The following CHODL variants were observed in gnomAD, a reference collection of about 807,000 sequenced individuals.
CHODL encodes the protein chondrolectin.
A neutral mutation model predicts 34.5 loss-of-function variants in CHODL; 29 were observed. The ratio of observed to expected loss-of-function variants is 0.84; its 90% CI spans 0.63 to 1.15. CHODL has a LOEUF of 1.15. Among genes scored for constraint, CHODL ranks in the 50% most tolerant of loss-of-function variants. The pLI is 0.00. For synonymous variants in CHODL, 125 were observed against 116.1 expected, an observed-to-expected ratio of 1.08 and a Z score of -0.49; for missense variants, 332 against 332.5, an observed-to-expected ratio of 1.00 and a Z score of 0.01.
At chr21:17,945,667 A>T (rs1301993914) in intron 1 of CHODL, among the ~76,000 whole-genome samples, 1 of 152,208 alleles carries the variant, frequency 6.6e-6, no homozygotes. Flanking sequence ...AAAGAGAGAA[A>T]GGGCCAGAAA....
At chr21:18,077,849 A>G (rs2064885174) in intron 2 of CHODL, among the ~76,000 whole-genome samples, 1 of 152,182 alleles carries the variant, frequency 6.6e-6, no homozygotes, top group African/African-American at 2.4e-5. Context: ...GGACTATTGG[A>G]ATAAGACAAC....
rs554760967 is a variant in CHODL, at chr21:18,237,912, A to G, written c.-44-18597A>G. On this transcript the variant is annotated intron_variant, in intron 2 of 6. Transcript: ENST00000400127. ...AACCTAGTAGAGATGGACAAACATT[A>G]AATAAATACGCCCACAATTTTAACA... 5.9e-5 allele frequency among the ~76,000 whole-genome samples: 9 copies of G among 152,132 alleles called. No individual in the cohort carries two copies. The South Asian group carries it at 1.9e-3, about 31-fold the overall frequency.
intron 2 of CHODL, among the ~76,000 whole-genome samples, chr21:18,110,215 A>G (rs1286679751): frequency 6.6e-6 from 1 of 152,196 alleles, no homozygotes; most frequent in Non-Finnish European, 1.5e-5. Context: ...AATGTATGGC[A>G]TTGGCCTCAT....
At chr21:18,083,663 A>G (rs1319742468) in intron 2 of CHODL, among the ~76,000 whole-genome samples, 1 of 152,128 alleles carries the variant, frequency 6.6e-6, no homozygotes, top group Non-Finnish European at 1.5e-5. Context: ...GTCCAAGGAG[A>G]TTATTCTGGA....
chr21:18,264,119 C>T (rs1243865961), intron 5 of CHODL, among the ~76,000 whole-genome samples: 3 of 152,004 alleles, frequency 2.0e-5, no homozygotes, highest in African/African-American at 7.3e-5. Context: ...GGGTAATGGT[C>T]AGGTGTGTTT....
At chr21:18,206,900 T>C (rs992644170) in intron 2 of CHODL, among the ~76,000 whole-genome samples, 3 of 150,658 alleles carry the variant, frequency 2.0e-5, no homozygotes, top group Non-Finnish European at 4.4e-5. Flanking sequence ...TATTATTTTA[T>C]TATACTTTGA....
intron 2 of CHODL, among the ~76,000 whole-genome samples, chr21:18,146,049 A>G (rs1601067276): frequency 6.6e-6 from 1 of 151,492 alleles, no homozygotes; most frequent in Non-Finnish European, 1.5e-5. Flanking sequence ...GATCATTGCA[A>G]CCTCTGCCTC....
chr21:17,968,732 A>G (rs2063592447), intron 1 of CHODL, among the ~76,000 whole-genome samples: 1 of 152,210 alleles, frequency 6.6e-6, no homozygotes, highest in African/African-American at 2.4e-5. Context: ...GGATCAATGC[A>G]GAGTTCATCT....
intron 2 of CHODL, among the ~76,000 whole-genome samples, chr21:18,147,770 A>T (rs1255016846): frequency 6.6e-6 from 1 of 152,240 alleles, no homozygotes; most frequent in Non-Finnish European, 1.5e-5. Context: ...GTGTGCTAAC[A>T]CAGAACTTAT....
At chr21:18,223,965 AAT>A (rs1184331728) in intron 2 of CHODL, among the ~76,000 whole-genome samples, 1 of 152,184 alleles carries the variant, frequency 6.6e-6, no homozygotes, top group Admixed American at 6.6e-5. Flanking sequence ...AGAGTAAGAG[AAT>A]ACTAGTTGCT....
At chr21:18,141,526 C>A (rs1350519535) in intron 2 of CHODL, among the ~76,000 whole-genome samples, 1 of 151,704 alleles carries the variant, frequency 6.6e-6, no homozygotes, top group East Asian at 1.9e-4. Context: ...ATTGGATTTG[C>A]TTAGGTTTTT....
intron 2 of CHODL, among the ~76,000 whole-genome samples, chr21:18,172,061 A>G (rs1435394675): frequency 6.6e-6 from 1 of 152,228 alleles, no homozygotes; most frequent in African/African-American, 2.4e-5. Flanking sequence ...GCAGGGGCAC[A>G]GCCTTACATA....
At chr21:18,118,375 C>T (rs2065438462) in intron 2 of CHODL, among the ~76,000 whole-genome samples, 1 of 152,070 alleles carries the variant, frequency 6.6e-6, no homozygotes, top group Admixed American at 6.6e-5. Context: ...GCATTCCAAC[C>T]ACTAGTCTCT....
chr21:18,207,751 A>T (rs1177153599), intron 2 of CHODL, among the ~76,000 whole-genome samples: 5 of 149,080 alleles, frequency 3.4e-5, no homozygotes, highest in Non-Finnish European at 5.9e-5. Context: ...ATAGGATAAA[A>T]TTTTTTTCCT....
intron 2 of CHODL, among the ~76,000 whole-genome samples, chr21:18,216,359 A>G (rs1030367553): frequency 1.3e-5 from 2 of 152,216 alleles, no homozygotes; most frequent in East Asian, 1.9e-4. Flanking sequence ...GCATTATGCT[A>G]TAAACCACTA....
intron 2 of CHODL, among the ~76,000 whole-genome samples, chr21:18,104,791 C>T (rs1018439204): frequency 1.3e-5 from 2 of 152,172 alleles, no homozygotes; most frequent in Non-Finnish European, 2.9e-5. Context: ...TGTTTAAATT[C>T]TGTTTTGTGT....
chr21:18,129,811 C>T (rs1420837431), intron 2 of CHODL, among the ~76,000 whole-genome samples: 1 of 151,830 alleles, frequency 6.6e-6, no homozygotes, highest in Non-Finnish European at 1.5e-5. Context: ...TGATAAATTG[C>T]TTGGCAGTTG....
chr21:18,257,038 C>T lies in CHODL; in HGVS notation c.458C>T (p.Ala153Val), dbSNP rs147518542. The change falls in exon 3 of 6, where the codon GCC (alanine) becomes GTC (valine). Residue 153 changes from alanine to valine, a missense_variant. Transcript: ENST00000299295. ...GTTGTGATGTATCACCAACCAACTGCCAATCCTGGCCTTGGGGGTCCCTAC... is the reference window on the plus strand; with the variant it reads ...GTTGTGATGTATCACCAACCAACTGTCAATCCTGGCCTTGGGGGTCCCTAC... ...KCVVMYHQPT[A>V]NPGLGGPYLY... The T allele has an allele frequency of 4.3e-6, 7 of 1,613,868 alleles. No homozygotes were observed. The African/African-American group carries it at 9.3e-5, about 22-fold the overall frequency.
intron 2 of CHODL, among the ~76,000 whole-genome samples, chr21:18,117,130 A>T (rs1430765819): frequency 6.6e-6 from 1 of 152,204 alleles, no homozygotes; most frequent in East Asian, 1.9e-4. Context: ...ACAGTAGCTG[A>T]TGCTATCTGG....
Sources: allele counts gnomAD v4.1 joint callset (sites outside exome capture counted in the v4.1 genomes callset), GRCh38; gene constraint gnomAD v4.1.1; transcripts MANE v1.5; gene names NCBI Gene and HGNC (gene_info 2026-07-23, HGNC 2026-07-21).